PSME4: variants seen among roughly 807,000 people sequenced by gnomAD.
The protein encoded by PSME4 is proteasome activator subunit 4.
Under a neutral mutation model 253.9 loss-of-function variants are expected in PSME4, and 89 were observed. The observed-to-expected ratio is 0.35, with a 90% CI of 0.30 to 0.42. The LOEUF is 0.42. PSME4 is among the 10% of genes least tolerant of loss of function. The pLI is 1.00. For missense variants in PSME4, 2,014 were observed against 2,195.2 expected (o/e 0.92, Z 1.65); for synonymous variants, 851 against 759.2 (o/e 1.12, Z -1.99).
intron 41 of PSME4, among the ~76,000 whole-genome samples, chr2:53,883,494 G>A (rs981934693): frequency 3.3e-5 from 5 of 152,138 alleles, no homozygotes; most frequent in African/African-American, 1.2e-4. Flanking sequence ...AAAGCGGTGG[G>A]GGGGTGCGGG....
At chr2:53,923,527 C>A in intron 14 of PSME4, 108 bp from the exon 15 acceptor site, 1 of 1,331,580 alleles carries the variant, frequency 7.5e-7, no homozygotes, top group Non-Finnish European at 9.9e-7. Flanking sequence ...AAAATAAGCC[C>A]ATAGGCAATT....
chr2:53,941,132 T>C (rs975694632), intron 3 of PSME4, among the ~76,000 whole-genome samples: 14 of 145,376 alleles, frequency 9.6e-5, no homozygotes, highest in African/African-American at 3.6e-4. Flanking sequence ...TTCCAAGGAA[T>C]AACAGAGAGC....
chr2:53,903,626 T>C (rs1007009070), intron 27 of PSME4, among the ~76,000 whole-genome samples: 1 of 152,172 alleles, frequency 6.6e-6, no homozygotes, highest in Admixed American at 6.5e-5. Context: ...CATACTACTC[T>C]AAACTTCTTG....
In PSME4 at chr2:53,952,356, C is replaced by A. The variant is rs151136867; in HGVS notation, c.243-3073G>T. On this transcript the variant is annotated intron_variant, in intron 1 of 46. Transcript: ENST00000404125. ...AAGAGATGGAGACCATCCTGGCCAA[C>A]ATGATGAAACCCCTGTCTCTACTAA... 2.2e-3 allele frequency among the ~76,000 whole-genome samples: 341 copies of A among 152,268 alleles called. 2 individuals carry two copies. The highest frequency in any genetic ancestry group is 8.0e-3 in the African/African-American group (333 of 41,566).
rs375824159 is a variant in PSME4, at chr2:53,937,401, T to C, written c.685A>G (p.Lys229Glu). The C allele has an allele frequency of 7.5e-6, 12 of 1,596,944 alleles. No individual in the cohort carries two copies. In the East Asian group the frequency reaches 1.1e-4, roughly 15 times the overall value. Residue 229 changes from lysine (K) to glutamate (E), a missense_variant, in exon 5 of 47, where the codon AAA becomes GAA. Lys to Glu is a moderately conservative substitution (Grantham distance 56). Transcript: ENST00000404125. ...TATGAACATACTTACTTAAAACCTT[T>C]ATGATGAAGTTCTGGAGGAAGGGAG... ...PTSLPPELHHKGFKLWFDELI... is the reference protein window; with the variant it reads ...PTSLPPELHHEGFKLWFDELI...
rs562844096 is a variant in PSME4 at position 53,865,544 on chromosome 2, T to C, written c.*34A>G. On this transcript the variant is annotated 3_prime_UTR_variant, in exon 47 of 47. Coordinates refer to ENST00000404125, the MANE Select transcript of PSME4 (RefSeq NM_014614.3). Reference sequence around the variant, plus strand: ...GTACCTGAGGGTGTGGAATTTTTGATGAAAAGAGCCTGAAGTGAGGACTAG... The same window carrying C: ...GTACCTGAGGGTGTGGAATTTTTGACGAAAAGAGCCTGAAGTGAGGACTAG... The C allele has an allele frequency of 6.6e-6, 1 of 152,336 alleles. No individual in the cohort carries two copies. The highest frequency in any genetic ancestry group is 2.1e-4 in the South Asian group (1 of 4,828). The allele number at this position is 152,336 out of a possible 1,614,324, so 9.4% of individuals were successfully genotyped here.
At chr2:53,960,908 G>A (rs1670469826) in intron 1 of PSME4, among the ~76,000 whole-genome samples, 2 of 152,214 alleles carry the variant, frequency 1.3e-5, no homozygotes, top group South Asian at 4.1e-4. Context: ...AGGAGTTCGA[G>A]ACCAGCCTGA....
intron 41 of PSME4, among the ~76,000 whole-genome samples, chr2:53,883,131 C>G (rs1234863524): frequency 1.6e-4 from 24 of 152,192 alleles, no homozygotes. Context: ...GCATTTATTT[C>G]TTTTAAAAAG....
intron 12 of PSME4, among the ~76,000 whole-genome samples, chr2:53,926,865 T>G (rs770302215): frequency 2.0e-5 from 3 of 150,358 alleles, no homozygotes; most frequent in Non-Finnish European, 3.0e-5. Flanking sequence ...TCCCAGCTAC[T>G]CGGGAGGCTG....
chr2:53,940,952 C>CATATTTTTATATAT lies in PSME4; in HGVS notation c.501-953_501-952insATATATAAAAATAT, dbSNP rs61078234. On this transcript the variant is annotated intron_variant, in intron 3 of 46. Coordinates refer to ENST00000404125, the MANE Select transcript of PSME4 (RefSeq NM_014614.3). ...TAATACATATATAAATATATATATA[C>CATATTTTTATATAT]ATATATATATATATATATATATATA... is the stretch of plus-strand genomic sequence containing the variant. Among the ~76,000 whole-genome samples, 7 of 24,030 alleles carry CATATTTTTATATAT rather than the reference C, an allele frequency of 2.9e-4. 1 individual carries two copies. Among genetic ancestry groups the CATATTTTTATATAT allele is most frequent in the African/African-American group, 1.1e-3 (7 of 6,178 alleles). The allele number at this position is 24,030 out of a possible 152,430, so 15.8% of individuals were successfully genotyped here. A position where few individuals can be genotyped will look rare whatever the true frequency, so the allele number is the denominator to read the frequency against.
intron 8 of PSME4, among the ~76,000 whole-genome samples, chr2:53,934,320 G>A (rs945591969): frequency 4.6e-5 from 7 of 152,126 alleles, no homozygotes; most frequent in Admixed American, 1.3e-4. Flanking sequence ...AAAGTCTTCC[G>A]GGCTACAAGT....
rs569572947 is a variant in PSME4, at chr2:53,900,455, T to C, written c.3286-438A>G. Among the ~76,000 whole-genome samples the C allele has an allele frequency of 6.0e-5, 9 of 151,020 alleles. No homozygotes were observed. In the East Asian group the frequency reaches 1.8e-3, roughly 29 times the overall value. On this transcript the variant is annotated intron_variant, in intron 28 of 46. Transcript: ENST00000404125. Reference sequence around the variant, plus strand: ...GTGTAGTGGTGCACACCTATAGTCCTAGTTACTAGGAAGGCTGAGGCAGGG... The same window carrying C: ...GTGTAGTGGTGCACACCTATAGTCCCAGTTACTAGGAAGGCTGAGGCAGGG...
chr2:53,915,268 C>T (rs1412016959), intron 20 of PSME4, among the ~76,000 whole-genome samples: 1 of 152,062 alleles, frequency 6.6e-6, no homozygotes, highest in African/African-American at 2.4e-5. Context: ...AAGCGAAATC[C>T]TATCTCCACA....
intron 40 of PSME4, among the ~76,000 whole-genome samples, chr2:53,886,997 G>A (rs754797400): frequency 6.6e-6 from 1 of 152,160 alleles, no homozygotes; most frequent in Admixed American, 6.5e-5. Context: ...AGGATGAGGG[G>A]AGGGAAAATG....
At chr2:53,875,584 C>A in intron 42 of PSME4, 43 bp downstream of exon 42, 2 of 1,558,828 alleles carry the variant, frequency 1.3e-6, no homozygotes, top group Non-Finnish European at 1.7e-6. Flanking sequence ...AATGGTAAAC[C>A]AAAATCCTAA....
At chr2:53,867,759 T>C (rs1573177464) in intron 44 of PSME4, among the ~76,000 whole-genome samples, 1 of 151,662 alleles carries the variant, frequency 6.6e-6, no homozygotes, top group South Asian at 2.1e-4. Flanking sequence ...GTACAATCCC[T>C]GATTCTAAAA....
intron 42 of PSME4, among the ~76,000 whole-genome samples, chr2:53,875,194 A>T (rs1364886197): frequency 6.6e-6 from 1 of 152,234 alleles, no homozygotes; most frequent in Non-Finnish European, 1.5e-5. Flanking sequence ...GTCCACTTCT[A>T]TATAACATGT....
Position 53,970,598 on chromosome 2 carries a change from C to A in PSME4, c.187G>T (p.Val63Leu), listed in dbSNP as rs1259391648. The change falls in exon 1 of 47, where the codon GTG becomes TTG. Residue 63 changes from valine (V) to leucine (L), a missense_variant. Val to Leu is a conservative substitution (Grantham distance 32, BLOSUM62 1). Transcript: ENST00000404125. ...CCGGGCCACAGCTCTTGGAGCTGCACGGCCCGGCCCAGGTTGCATTTGATC... is the reference window on the plus strand; with the variant it reads ...CCGGGCCACAGCTCTTGGAGCTGCAAGGCCCGGCCCAGGTTGCATTTGATC... ...AQIKCNLGRA[V>L]QLQELWPGGL... 4 of 1,549,490 alleles carry A rather than the reference C, an allele frequency of 2.6e-6. No homozygotes were observed. Among genetic ancestry groups the A allele is most frequent in the Admixed American group, 3.9e-5 (2 of 51,000 alleles).
At chr2:53,905,223 T>A (rs1680601026) in intron 26 of PSME4, among the ~76,000 whole-genome samples, 2 of 150,526 alleles carry the variant, frequency 1.3e-5, no homozygotes, top group African/African-American at 4.9e-5. Flanking sequence ...AGGGAGGGGG[T>A]TTCACCATGT....
Sources: gnomAD v4.1 joint callset for allele counts (sites outside exome capture counted in the v4.1 genomes callset) on GRCh38, gnomAD v4.1.1 for gene constraint, MANE v1.5 for transcripts, NCBI Gene and HGNC (gene_info 2026-07-23, HGNC 2026-07-21) for gene names.